ARHGAP35: variants seen among roughly 807,000 people sequenced by gnomAD.
The protein encoded by ARHGAP35 is rho GTPase-activating protein 35.
In ARHGAP35, 15 loss-of-function variants were observed where a neutral mutation model predicts 111.1. The observed-to-expected ratio is 0.13, with a 90% CI of 0.09 to 0.21. ARHGAP35 has a LOEUF of 0.21. Ranked by LOEUF, ARHGAP35 falls within the 10% of genes least tolerant of loss-of-function variation. ARHGAP35 has a pLI of 1.00. For synonymous variants in ARHGAP35, 643 were observed against 710.3 expected (o/e 0.91, Z 1.51); for missense variants, 1,262 against 1,873.0 (o/e 0.67, Z 6.02).
intron 2 of ARHGAP35, among the ~76,000 whole-genome samples, chr19:46,935,744 G>A (rs1159418230): frequency 2.0e-5 from 3 of 152,078 alleles, no homozygotes; most frequent in Non-Finnish European, 4.4e-5. Flanking sequence ...GATCCTATTT[G>A]GTTACTTTTC....
chr19:46,960,987 C>T (rs1006981449), intron 3 of ARHGAP35, among the ~76,000 whole-genome samples: 32 of 151,878 alleles, frequency 2.1e-4, no homozygotes, highest in African/African-American at 4.4e-4. Flanking sequence ...CTCCACCTCC[C>T]GAGTTCAAGC....
intron 1 of ARHGAP35, among the ~76,000 whole-genome samples, chr19:46,862,276 T>G (rs1183565307): frequency 6.6e-6 from 1 of 152,182 alleles, no homozygotes; most frequent in Non-Finnish European, 1.5e-5. Flanking sequence ...TAACTCAGAC[T>G]GCCTTCAGTT....
chr19:46,922,474 G>C lies in ARHGAP35; in HGVS notation c.3681+118G>C. On this transcript the variant is annotated intron_variant, in intron 2 of 6. Coordinates refer to ENST00000672722, the MANE Select transcript of ARHGAP35 (RefSeq NM_004491.5). The surrounding 1 kb of genome is among the most constrained non-coding windows in gnomAD (Gnocchi z 4.0). ...GTAAAAAAAAAACTGCCCTGTGTGT[G>C]TATTTGACTTAACATAAAAAAGCAG... The C allele has an allele frequency of 1.0e-6, 1 of 994,978 alleles. No individual in the cohort carries two copies. The allele number at this position is 994,978 out of a possible 1,614,324, so 61.6% of individuals were successfully genotyped here. A position where few individuals can be genotyped will look rare whatever the true frequency, so the allele number is the denominator to read the frequency against.
chr19:46,978,572 A>G (rs1264661926), intron 3 of ARHGAP35, among the ~76,000 whole-genome samples: 532 of 28,638 alleles, frequency 0.019, no homozygotes, highest in Middle Eastern at 0.028. Context: ...GTGTGGTGGG[A>G]TGTGTGTGTG....
chr19:46,878,321 C>T (rs1487627386), intron 1 of ARHGAP35, among the ~76,000 whole-genome samples: 1 of 151,908 alleles, frequency 6.6e-6, no homozygotes, highest in Non-Finnish European at 1.5e-5. Context: ...TCGCGCTTGG[C>T]CTAATTTTTA....
chr19:46,885,099 C>T (rs2055987252), intron 1 of ARHGAP35, among the ~76,000 whole-genome samples: 1 of 152,088 alleles, frequency 6.6e-6, no homozygotes, highest in African/African-American at 2.4e-5. Context: ...AATAATAATC[C>T]ATAGGACATA....
chr19:46,915,988 T>C (rs930044539), intron 1 of ARHGAP35, among the ~76,000 whole-genome samples: 2 of 143,076 alleles, frequency 1.4e-5, no homozygotes, highest in East Asian at 4.1e-4. Flanking sequence ...CAGGCTGGAG[T>C]GCAGTGGCGT....
intron 3 of ARHGAP35, among the ~76,000 whole-genome samples, chr19:46,985,134 A>G (rs1000095943): frequency 1.3e-5 from 2 of 152,208 alleles, no homozygotes; most frequent in Non-Finnish European, 2.9e-5. Flanking sequence ...AAATTAGGAG[A>G]TGAAGACTTG....
intron 5 of ARHGAP35, among the ~76,000 whole-genome samples, chr19:46,995,069 T>A (rs1307533649): frequency 3.9e-5 from 6 of 152,144 alleles, no homozygotes; most frequent in Admixed American, 2.6e-4. Flanking sequence ...GCACAGACAC[T>A]GCTGGTGCCT....
intron 1 of ARHGAP35, among the ~76,000 whole-genome samples, chr19:46,870,061 C>G (rs1234086747): frequency 6.6e-6 from 1 of 151,134 alleles, no homozygotes; most frequent in East Asian, 2.0e-4. Context: ...ATTCTCCTGC[C>G]TCAGCCACCC....
intron 3 of ARHGAP35, among the ~76,000 whole-genome samples, chr19:46,938,792 G>A (rs1428369463): frequency 2.0e-5 from 3 of 151,956 alleles, no homozygotes; most frequent in Non-Finnish European, 4.4e-5. Context: ...TGAGTAGCTG[G>A]GATTACAGGT....
chr19:46,875,974 G>T (rs534022346), intron 1 of ARHGAP35, among the ~76,000 whole-genome samples: 1 of 152,132 alleles, frequency 6.6e-6, no homozygotes, highest in South Asian at 2.1e-4. Context: ...GGAGGCCTCC[G>T]TTACTCTTTT....
intron 2 of ARHGAP35, among the ~76,000 whole-genome samples, chr19:46,930,297 C>T (rs1418137535): frequency 3.3e-5 from 5 of 149,346 alleles, no homozygotes; most frequent in African/African-American, 1.2e-4. Flanking sequence ...GAGGTCGAGG[C>T]TGCAGTGAGC....
chr19:46,891,198 T>C (rs757747521), intron 1 of ARHGAP35, among the ~76,000 whole-genome samples: 5 of 152,172 alleles, frequency 3.3e-5, no homozygotes, highest in Non-Finnish European at 7.3e-5. Flanking sequence ...TTCTGCCACA[T>C]AGTAGAGCCC....
intron 2 of ARHGAP35, among the ~76,000 whole-genome samples, chr19:46,924,953 A>C (rs1246671119): frequency 1.3e-5 from 2 of 152,252 alleles, no homozygotes; most frequent in Non-Finnish European, 2.9e-5. Context: ...GAGGCTCAGC[A>C]GAAAACAGCT....
chr19:46,893,204 G>T (rs552488748), intron 1 of ARHGAP35, among the ~76,000 whole-genome samples: 1 of 152,164 alleles, frequency 6.6e-6, no homozygotes, highest in Non-Finnish European at 1.5e-5. Context: ...ACCTGAATAG[G>T]GGGAGGAGCC....
Position 47,004,596 on chromosome 19 carries a change from AT to A in ARHGAP35, c.*3912del, listed in dbSNP as rs1263551653. 1.3e-5 allele frequency: 2 copies of A among 152,678 alleles called. No homozygotes were observed. Among genetic ancestry groups the A allele is most frequent in the Non-Finnish European group, 2.9e-5 (2 of 68,034 alleles). The allele number at this position is 152,678 out of a possible 1,614,324, so 9.5% of individuals were successfully genotyped here. A position where few individuals can be genotyped will look rare whatever the true frequency, so the allele number is the denominator to read the frequency against. On this transcript the variant is annotated 3_prime_UTR_variant, in exon 7 of 7. Coordinates refer to ENST00000672722, the MANE Select transcript of ARHGAP35 (RefSeq NM_004491.5). ...GCCAGCTTATTTTTCTGGTACTTGT[AT>A]TTTCACATGTTAAATGATCTTTATA...
In ARHGAP35 at chr19:47,002,453, C is replaced by T. The variant is rs2056753424; in HGVS notation, c.*1765C>T. The T allele has an allele frequency of 6.6e-6, 1 of 152,262 alleles. No individual in the cohort carries two copies. Among genetic ancestry groups the T allele is most frequent in the African/African-American group, 2.4e-5 (1 of 41,450 alleles). 9.4% of individuals were successfully genotyped at this position (152,262 alleles called of 1,614,324 possible). ...GAGGAACACAAATCGGAGAACAAAC[C>T]CAGGGTTCAGGCGTGTTTTCTGTGA... On this transcript the variant is annotated 3_prime_UTR_variant, in exon 7 of 7. Coordinates refer to ENST00000672722, the MANE Select transcript of ARHGAP35 (RefSeq NM_004491.5).
intron 5 of ARHGAP35, among the ~76,000 whole-genome samples, chr19:46,998,904 G>A (rs902669060): frequency 2.0e-5 from 3 of 152,268 alleles, no homozygotes; most frequent in African/African-American, 7.2e-5. Context: ...GTTGGCGTGG[G>A]TGGGTGGCAG....
Sources: allele counts gnomAD v4.1 joint callset (sites outside exome capture counted in the v4.1 genomes callset), GRCh38; gene constraint gnomAD v4.1.1; non-coding constraint Gnocchi (gnomAD v3.1); transcripts MANE v1.5; gene names NCBI Gene and HGNC (gene_info 2026-07-23, HGNC 2026-07-21).